The following TCP11L2 variants were observed in gnomAD, a reference collection of about 807,000 sequenced individuals.
The protein encoded by TCP11L2 is T-complex protein 11-like protein 2.
In TCP11L2, 39 loss-of-function variants were observed where a neutral mutation model predicts 50.7. The observed-to-expected ratio is 0.77, with a 90% confidence interval of 0.60 to 1.01. The LOEUF is 1.01. Ranked by LOEUF, TCP11L2 falls within the 50% of genes least tolerant of loss-of-function variation. The pLI, the probability that TCP11L2 is intolerant of heterozygous loss-of-function variation, is 0.00. For missense variants in TCP11L2, 612 were observed against 614.7 expected (o/e 1.00, Z 0.05); for synonymous variants, 192 against 219.3 (o/e 0.88, Z 1.10).
chr12:106,315,255 C>A (rs1433208568), intron 3 of TCP11L2, among the ~76,000 whole-genome samples: 2 of 151,984 alleles, frequency 1.3e-5, no homozygotes, highest in East Asian at 3.9e-4. Flanking sequence ...CAAAAACAAA[C>A]AAACAAAAAA....
chr12:106,324,977 G>A (rs1441408589), intron 6 of TCP11L2: 1 of 152,144 alleles, frequency 6.6e-6, no homozygotes, highest in African/African-American at 2.4e-5. Flanking sequence ...CAGGAATAAT[G>A]GAAACTGTAT....
intron 6 of TCP11L2, among the ~76,000 whole-genome samples, chr12:106,330,596 C>A (rs1248614565): frequency 2.6e-5 from 4 of 152,104 alleles, no homozygotes; most frequent in African/African-American, 9.7e-5. Context: ...GGAATGAATC[C>A]ATTTCGTGAT....
At chr12:106,333,804 T>C (rs1183239580) in intron 6 of TCP11L2, among the ~76,000 whole-genome samples, 2 of 152,186 alleles carry the variant, frequency 1.3e-5, no homozygotes, top group Admixed American at 6.5e-5. Flanking sequence ...GTACCTGTTA[T>C]ATCTGGATGA....
chr12:106,322,867 G>T (rs374863612), intron 5 of TCP11L2, among the ~76,000 whole-genome samples: 7 of 152,166 alleles, frequency 4.6e-5, no homozygotes, highest in Non-Finnish European at 1.0e-4. Context: ...CTTGCTTCTA[G>T]TTGTCGTATT....
intron 3 of TCP11L2, 136 bp from the exon 4 acceptor site, chr12:106,318,203 AATATT>A (rs2035173012): frequency 1.0e-6 from 1 of 983,388 alleles, no homozygotes. Flanking sequence ...CAACAAGAAA[AATATT>A]AAAAGATTAA....
At chr12:106,335,847 C>T in intron 7 of TCP11L2, 21 bp downstream of exon 7, 2 of 1,603,476 alleles carry the variant, frequency 1.2e-6, no homozygotes, top group Non-Finnish European at 1.7e-6. Context: ...TTGTTCTTCA[C>T]CCAAATTTCC....
At position 106,346,765 on chromosome 12, in the gene TCP11L2, A is replaced by G; in HGVS notation, c.*235A>G. 2.4e-6 allele frequency: 1 copy of G among 423,542 alleles called. No individual in the cohort carries two copies. The highest frequency in any genetic ancestry group is 4.2e-6 in the Non-Finnish European group (1 of 239,900). 26.2% of individuals were successfully genotyped at this position (423,542 alleles called of 1,614,324 possible). A position where few individuals can be genotyped will look rare whatever the true frequency, so the allele number is the denominator to read the frequency against. On this transcript the variant is annotated 3_prime_UTR_variant, in exon 10 of 10. Coordinates refer to ENST00000299045, the MANE Select transcript of TCP11L2 (RefSeq NM_152772.3). ...CATCATTTTCAAGTTTAAAACAAAT[A>G]TTTGTAATGAACAGAAAACAATTTG... is the stretch of plus-strand genomic sequence containing the variant.
intron 3 of TCP11L2, 25 bp from the exon 4 acceptor site, chr12:106,318,319 A>G (rs1342672545): frequency 1.9e-6 from 3 of 1,605,114 alleles, no homozygotes; most frequent in Middle Eastern, 1.7e-4. Context: ...CTTATTTTAA[A>G]AAACAATTCA....
At position 106,336,061 on chromosome 12, in the gene TCP11L2, G is replaced by A; in HGVS notation, c.990G>A (p.Gln330=). ...ETLMTDGARL[Q]ELTEKLNQLK... The stretch of plus-strand genomic sequence containing the variant: ...TTATGACAGATGGAGCACGTCTTCA[G>A]GAACTAACAGAAAAGCTGAATCAAT... Residue 330 remains glutamine (Q), a synonymous_variant, in exon 8 of 10, where the codon CAG becomes CAA. Transcript: ENST00000299045. 1 of 1,613,536 alleles carries A rather than the reference G, an allele frequency of 6.2e-7. No individual in the cohort carries two copies. Among genetic ancestry groups the A allele is most frequent in the Non-Finnish European group, 8.5e-7 (1 of 1,179,838 alleles).
rs868850442 is a variant in TCP11L2, at chr12:106,314,574, T to A, written c.293+81T>A. ...GTGTGTGTGTGTGTGTGTGTGTGTG[T>A]GTGAGAGAGAGAGAGAGAGAGAGAG... On this transcript the variant is annotated intron_variant, in intron 3 of 9. Coordinates refer to ENST00000299045, the MANE Select transcript of TCP11L2 (RefSeq NM_152772.3). The A allele has an allele frequency of 4.3e-4, 264 of 615,898 alleles. 3 individuals carry two copies. Among genetic ancestry groups the A allele is most frequent in the East Asian group, 3.7e-3 (98 of 26,310 alleles). 38.2% of individuals were successfully genotyped at this position (615,898 alleles called of 1,614,324 possible). A position where few individuals can be genotyped will look rare whatever the true frequency, so the allele number is the denominator to read the frequency against.
upstream of TCP11L2, among the ~76,000 whole-genome samples, chr12:106,300,377 C>T (rs1216706203): frequency 6.6e-6 from 1 of 152,080 alleles, no homozygotes; most frequent in African/African-American, 2.4e-5. Context: ...TCGCCCAGGC[C>T]GGAGTAAAGT....
At position 106,346,899 on chromosome 12, in the gene TCP11L2, A is replaced by C. The variant is rs1380089200; in HGVS notation, c.*369A>C. The C allele has an allele frequency of 5.8e-6, 1 of 171,426 alleles. No homozygotes were observed. Among genetic ancestry groups the C allele is most frequent in the African/African-American group, 2.4e-5 (1 of 42,112 alleles). The allele number at this position is 171,426 out of a possible 1,614,324, so 10.6% of individuals were successfully genotyped here. A position where few individuals can be genotyped will look rare whatever the true frequency, so the allele number is the denominator to read the frequency against. On this transcript the variant is annotated 3_prime_UTR_variant, in exon 10 of 10. Coordinates refer to ENST00000299045, the MANE Select transcript of TCP11L2 (RefSeq NM_152772.3). ...GTTGTTTTTCTCACTTGTTATTATC[A>C]AACCTAATGGTTTTTAATTTTGGTA...
At chr12:106,304,479 ATAACTT>A (rs1221018933) in intron 1 of TCP11L2, among the ~76,000 whole-genome samples, 1 of 152,252 alleles carries the variant, frequency 6.6e-6, no homozygotes, top group Non-Finnish European at 1.5e-5. Context: ...CTGTGGATGA[ATAACTT>A]TAGTGCTGCT....
chr12:106,311,912 T>G (rs1481716898), intron 2 of TCP11L2, among the ~76,000 whole-genome samples: 1 of 152,222 alleles, frequency 6.6e-6, no homozygotes, highest in Non-Finnish European at 1.5e-5. Flanking sequence ...GCAACTAATG[T>G]TTAATATGCT....
chr12:106,317,921 A>G (rs2035163287), intron 3 of TCP11L2, among the ~76,000 whole-genome samples: 1 of 152,242 alleles, frequency 6.6e-6, no homozygotes, highest in Non-Finnish European at 1.5e-5. Flanking sequence ...AGGCATTCAA[A>G]TGCATGTGCC....
chr12:106,322,542 A>G (rs1334261089), intron 5 of TCP11L2, among the ~76,000 whole-genome samples: 2 of 152,196 alleles, frequency 1.3e-5, no homozygotes, highest in African/African-American at 2.4e-5. Flanking sequence ...GGTGCATATT[A>G]TGTCACGAGG....
chr12:106,339,999 T>C (rs763308780), intron 8 of TCP11L2, among the ~76,000 whole-genome samples: 1 of 152,254 alleles, frequency 6.6e-6, no homozygotes, highest in Non-Finnish European at 1.5e-5. Flanking sequence ...AGTTCAGTGG[T>C]AGAGCCAGGA....
intron 3 of TCP11L2, among the ~76,000 whole-genome samples, chr12:106,317,199 T>G (rs2035122935): frequency 6.6e-6 from 1 of 152,214 alleles, no homozygotes; most frequent in Non-Finnish European, 1.5e-5. Flanking sequence ...AGTACAGAGT[T>G]AGGACACATT....
upstream of TCP11L2, among the ~76,000 whole-genome samples, chr12:106,300,300 T>C (rs929472707): frequency 6.6e-6 from 1 of 152,172 alleles, no homozygotes; most frequent in Non-Finnish European, 1.5e-5. Context: ...CCTTATATTT[T>C]ACAGCACTCC....
Sources: gnomAD v4.1 joint callset for allele counts (sites outside exome capture counted in the v4.1 genomes callset) on GRCh38, gnomAD v4.1.1 for gene constraint, MANE v1.5 for transcripts, NCBI Gene and HGNC (gene_info 2026-07-23, HGNC 2026-07-21) for gene names.